The following ADARB2 variants were observed in gnomAD, a reference collection of about 807,000 sequenced individuals.
ADARB2 encodes the protein adenosine deaminase RNA specific B2 (inactive).
In ADARB2, 25 loss-of-function variants were observed where a neutral mutation model predicts 62.2. That is an observed-to-expected ratio of 0.40 (90% CI 0.29 to 0.56). The LOEUF (loss-of-function observed/expected upper bound fraction) is 0.56. ADARB2 is among the 20% of genes least tolerant of loss of function. ADARB2 has a pLI of 0.43. For synonymous variants in ADARB2, 572 were observed against 500.8 expected (o/e 1.14, Z -1.90); for missense variants, 1,071 against 1,077.4 (o/e 0.99, Z 0.08).
chr10:1,258,663 AC>A (rs774121570), intron 4 of ADARB2, among the ~76,000 whole-genome samples: 24 of 152,226 alleles, frequency 1.6e-4, no homozygotes, highest in African/African-American at 1.4e-4. Flanking sequence ...ATCCTTAGTG[AC>A]CTACAAAGAG....
chr10:1,686,281 C>T (rs1373269769), intron 1 of ADARB2, among the ~76,000 whole-genome samples: 3 of 152,092 alleles, frequency 2.0e-5, no homozygotes, highest in South Asian at 4.1e-4. Context: ...TGGCTTGGGC[C>T]GGCGGTTAAA....
chr10:1,596,471 G>A (rs1253662286), intron 1 of ADARB2, among the ~76,000 whole-genome samples: 1 of 152,198 alleles, frequency 6.6e-6, no homozygotes, highest in Non-Finnish European at 1.5e-5. Context: ...CCGGCACCGG[G>A]AGAGAAATGT....
chr10:1,261,401 T>A lies in ADARB2; in HGVS notation c.1192+9554A>T, dbSNP rs1177021010. On this transcript the variant is annotated intron_variant, in intron 4 of 9. Transcript: ENST00000381312. Reference sequence around the variant, plus strand: ...ATGGGAGAAAATTTTCGCAACCTACTCATCTGACAAAGGGCTAATACCCAG... The same window carrying A: ...ATGGGAGAAAATTTTCGCAACCTACACATCTGACAAAGGGCTAATACCCAG... 2.0e-5 allele frequency among the ~76,000 whole-genome samples: 3 copies of A among 147,876 alleles called. No individual in the cohort carries two copies. The East Asian group carries it at 5.9e-4, about 29-fold the overall frequency.
chr10:1,374,589 G>T (rs554146981), intron 2 of ADARB2, among the ~76,000 whole-genome samples: 1 of 152,278 alleles, frequency 6.6e-6, no homozygotes, highest in Admixed American at 6.5e-5. Flanking sequence ...TGCGGGTGGG[G>T]CCAGGCCGGG....
intron 3 of ADARB2, among the ~76,000 whole-genome samples, chr10:1,284,398 T>C (rs1208050564): frequency 6.6e-6 from 1 of 151,720 alleles, no homozygotes; most frequent in Non-Finnish European, 1.5e-5. Context: ...AGATGTAAGG[T>C]GAATTATGAG....
chr10:1,191,575 G>A (rs1007674546), intron 8 of ADARB2, among the ~76,000 whole-genome samples: 1 of 152,140 alleles, frequency 6.6e-6, no homozygotes, highest in East Asian at 1.9e-4. Flanking sequence ...ATGGAACCAC[G>A]CTCACAGACG....
intron 1 of ADARB2, among the ~76,000 whole-genome samples, chr10:1,695,633 A>C (rs1336181381): frequency 3.3e-5 from 5 of 152,084 alleles, no homozygotes; most frequent in Non-Finnish European, 7.4e-5. Context: ...GAGTGTGTGC[A>C]TGTATACACA....
In ADARB2 at chr10:1,184,877, G is replaced by A. The variant is rs753353463; in HGVS notation, c.2027C>T (p.Ala676Val). ...LCKHVLSARW[A>V]RLYGRLSTRT... Reference sequence around the variant, plus strand: ...GCGACCTACCCTGCCATACAGCCGCGCCCACCGTGCAGACAGCACGTGCTT... The same window carrying A: ...GCGACCTACCCTGCCATACAGCCGCACCCACCGTGCAGACAGCACGTGCTT... Residue 676 changes from alanine to valine, a missense_variant, in exon 9 of 10, where the codon GCG becomes GTG. Coordinates refer to ENST00000381312, the MANE Select transcript of ADARB2 (RefSeq NM_018702.4). The A allele has an allele frequency of 1.5e-5, 24 of 1,613,230 alleles. No individual in the cohort carries two copies. Among genetic ancestry groups the A allele is most frequent in the African/African-American group, 1.5e-4 (11 of 74,918 alleles).
intron 1 of ADARB2, among the ~76,000 whole-genome samples, chr10:1,585,259 G>A (rs1833160123): frequency 6.6e-6 from 1 of 152,072 alleles, no homozygotes; most frequent in Non-Finnish European, 1.5e-5. Flanking sequence ...CAATTATGCT[G>A]TGAACCCCAT....
chr10:1,615,030 G>A (rs560151955), intron 1 of ADARB2, among the ~76,000 whole-genome samples: 36 of 152,198 alleles, frequency 2.4e-4, no homozygotes, highest in East Asian at 2.3e-3. Flanking sequence ...GGTACACCTC[G>A]GTCTACTGAG....
chr10:1,214,194 A>ATGGGTTTGCACCTGTGTCCAGCATCGTG (rs1837200360), intron 7 of ADARB2, among the ~76,000 whole-genome samples: 1 of 121,888 alleles, frequency 8.2e-6, no homozygotes, highest in African/African-American at 3.2e-5. Flanking sequence ...CTGGCGTTGC[A>ATGGGTTTGCACCTGTGTCCAGCATCGTG]TGGGTTTGCA....
intron 1 of ADARB2, among the ~76,000 whole-genome samples, chr10:1,639,902 G>A (rs573007234): frequency 6.6e-5 from 10 of 151,536 alleles, no homozygotes; most frequent in African/African-American, 2.4e-4. Context: ...ACAAAAACAT[G>A]AAGAGGGCTC....
intron 1 of ADARB2, among the ~76,000 whole-genome samples, chr10:1,666,189 G>A (rs1310173488): frequency 1.3e-5 from 2 of 152,254 alleles, no homozygotes; most frequent in African/African-American, 4.8e-5. Flanking sequence ...ATAGAACCGG[G>A]AGGGAGAGGA....
At chr10:1,389,644 A>G (rs1832552067) in intron 1 of ADARB2, among the ~76,000 whole-genome samples, 2 of 151,992 alleles carry the variant, frequency 1.3e-5, no homozygotes, top group African/African-American at 4.8e-5. Context: ...TTGGGAGGCT[A>G]AGGTTCAAGA....
intron 1 of ADARB2, among the ~76,000 whole-genome samples, chr10:1,416,036 C>T (rs946261701): frequency 2.9e-4 from 44 of 152,330 alleles, no homozygotes; most frequent in African/African-American, 8.9e-4. Context: ...ACTCAAGACC[C>T]GCCATGGGGC....
intron 1 of ADARB2, among the ~76,000 whole-genome samples, chr10:1,713,836 C>T (rs574384644): frequency 7.2e-5 from 11 of 152,156 alleles, no homozygotes; most frequent in East Asian, 1.9e-4. Context: ...ACACAGAGAG[C>T]GCCAAGTTGG....
chr10:1,260,944 CCAAAA>C (rs1168463972), intron 4 of ADARB2, among the ~76,000 whole-genome samples: 5 of 137,306 alleles, frequency 3.6e-5, no homozygotes, highest in Non-Finnish European at 7.9e-5. Flanking sequence ...GGTACTGGTA[CCAAAA>C]CAGAGATATA....
intron 1 of ADARB2, among the ~76,000 whole-genome samples, chr10:1,668,257 G>A (rs1448595353): frequency 1.3e-5 from 2 of 152,146 alleles, no homozygotes; most frequent in Admixed American, 1.3e-4. Flanking sequence ...CTTAACTGGT[G>A]TCATACAATT....
chr10:1,530,263 C>T (rs1832213995), intron 1 of ADARB2, among the ~76,000 whole-genome samples: 2 of 152,254 alleles, frequency 1.3e-5, no homozygotes, highest in South Asian at 4.1e-4. Flanking sequence ...GGTCTCCCTC[C>T]TGGCACCCAG....
Sources: gnomAD v4.1 joint callset for allele counts (sites outside exome capture counted in the v4.1 genomes callset) on GRCh38, gnomAD v4.1.1 for gene constraint, MANE v1.5 for transcripts, NCBI Gene and HGNC (gene_info 2026-07-23, HGNC 2026-07-21) for gene names.